CPA6: variants seen among roughly 807,000 people sequenced by gnomAD.
The protein encoded by CPA6 is carboxypeptidase B.
Under a neutral mutation model 63.3 loss-of-function variants are expected in CPA6, and 58 were observed. The ratio of observed to expected loss-of-function variants is 0.92; its 90% confidence interval spans 0.74 to 1.14. CPA6 has a LOEUF of 1.14. Ranked by LOEUF, CPA6 falls within the 50% of genes most tolerant of loss-of-function variation. CPA6 has a pLI of 0.00. For synonymous variants in CPA6, 185 were observed against 179.0 expected (o/e 1.03, Z -0.27); for missense variants, 565 against 526.6 (o/e 1.07, Z -0.71).
intron 4 of CPA6, 117 bp downstream of exon 4, chr8:67,511,424 C>T (rs1392738418): frequency 1.5e-6 from 1 of 660,798 alleles, no homozygotes; most frequent in African/African-American, 1.8e-5. Context: ...TCACATAGTA[C>T]CTTCTCTGTC....
chr8:67,719,897 C>T (rs58409762), intron 1 of CPA6, among the ~76,000 whole-genome samples: 20,878 of 151,998 alleles, frequency 0.14, 1,607 homozygotes, highest in African/African-American at 0.18. Flanking sequence ...GAGAAGTTGG[C>T]GTCCATGCAT....
intron 2 of CPA6, among the ~76,000 whole-genome samples, chr8:67,600,124 ATACTTT>A (rs1023316125): frequency 3.2e-4 from 49 of 151,366 alleles, no homozygotes; most frequent in African/African-American, 1.1e-3. Context: ...TATTATTATT[ATACTTT>A]AAGTTTTAGC....
intron 1 of CPA6, among the ~76,000 whole-genome samples, chr8:67,653,692 G>A (rs1462711069): frequency 6.6e-6 from 1 of 152,064 alleles, no homozygotes; most frequent in East Asian, 1.9e-4. Context: ...CTGCAAACAT[G>A]GACAATTTGA....
At position 67,681,200 on chromosome 8, in the gene CPA6, CTTTT is replaced by C. The variant is rs1007305743; in HGVS notation, c.117-56953_117-56950del. Among the ~76,000 whole-genome samples the C allele has an allele frequency of 3.9e-4, 35 of 89,880 alleles. 1 individual carries two copies. The highest frequency in any genetic ancestry group is 1.8e-3 in the African/African-American group (29 of 16,234). 59.0% of individuals were successfully genotyped at this position (89,880 alleles called of 152,430 possible). ...CTCAACCCAAGGTCACAAAGATTTT[CTTTT>C]TTTTTTTTTTTTTTTTGAGACGGAG... On this transcript the variant is annotated intron_variant, in intron 1 of 10. Transcript: ENST00000297770.
intron 2 of CPA6, among the ~76,000 whole-genome samples, chr8:67,590,674 G>A (rs1336095411): frequency 6.6e-6 from 1 of 152,106 alleles, no homozygotes; most frequent in Non-Finnish European, 1.5e-5. Flanking sequence ...TCTTTTGGCT[G>A]CATAAATGTC....
rs183787681 is a variant in CPA6 at position 67,701,349 on chromosome 8, G to A, written c.116+44665C>T. On this transcript the variant is annotated intron_variant, in intron 1 of 10. Transcript: ENST00000297770. ...TATCACTCATCTCTCAGGGTGTCACGAAGAGTATATATGAAAAAGTGACTG... is the reference window on the plus strand; with the variant it reads ...TATCACTCATCTCTCAGGGTGTCACAAAGAGTATATATGAAAAAGTGACTG... 1.6e-4 allele frequency among the ~76,000 whole-genome samples: 25 copies of A among 152,180 alleles called. No homozygotes were observed. In the East Asian group the frequency reaches 4.4e-3, roughly 27 times the overall value.
chr8:67,547,192 G>A (rs188294260), intron 2 of CPA6, among the ~76,000 whole-genome samples: 658 of 152,000 alleles, frequency 4.3e-3, no homozygotes, highest in Middle Eastern at 6.8e-3. Context: ...GACTACAGGC[G>A]CCCGCCACCA....
chr8:67,733,196 C>CAAAAAAAAAAA (rs1211323183), intron 1 of CPA6, among the ~76,000 whole-genome samples: 18 of 14,888 alleles, frequency 1.2e-3, no homozygotes, highest in African/African-American at 3.4e-3. Flanking sequence ...GACTCCATCT[C>CAAAAAAAAAAA]AAAAAAAAAA....
intron 9 of CPA6, 138 bp downstream of exon 9, chr8:67,433,896 GAATA>G (rs775457250): frequency 3.2e-6 from 2 of 628,872 alleles, no homozygotes; most frequent in East Asian, 2.8e-5. Flanking sequence ...TGTTAATGAA[GAATA>G]AATGAATTAA....
rs146229827 is a variant in CPA6, at chr8:67,582,372, C to T, written c.192+41804G>A. 2.2e-3 allele frequency among the ~76,000 whole-genome samples: 338 copies of T among 152,180 alleles called. 2 individuals are homozygous for T. The highest frequency in any genetic ancestry group is 7.3e-3 in the African/African-American group (302 of 41,522). On this transcript the variant is annotated intron_variant, in intron 2 of 10. Coordinates refer to ENST00000297770, the MANE Select transcript of CPA6 (RefSeq NM_020361.5). ...ATAGTTGTGAGTAGGAGGATAATGC[C>T]GATGTTTCAGGTTTCTAGAAATGCA...
At chr8:67,584,702 A>G (rs1254285258) in intron 2 of CPA6, among the ~76,000 whole-genome samples, 4 of 152,128 alleles carry the variant, frequency 2.6e-5, no homozygotes, top group African/African-American at 9.7e-5. Flanking sequence ...TGGATCTTCT[A>G]TGGTGATGCA....
At chr8:67,430,131 A>ATGTGTGTGTGTGTGTGTG (rs58059553) in intron 9 of CPA6, among the ~76,000 whole-genome samples, 1 of 128,656 alleles carries the variant, frequency 7.8e-6, no homozygotes, top group Non-Finnish European at 1.6e-5. Flanking sequence ...GTATATATAT[A>ATGTGTGTGTGTGTGTGTG]TGTGTGTGTG....
intron 10 of CPA6, among the ~76,000 whole-genome samples, chr8:67,424,992 A>G (rs1809852760): frequency 6.6e-6 from 1 of 152,224 alleles, no homozygotes; most frequent in South Asian, 2.1e-4. Flanking sequence ...CATAGTGGGT[A>G]ACTTCTCTGT....
At chr8:67,680,601 A>G (rs1382616374) in intron 1 of CPA6, among the ~76,000 whole-genome samples, 3 of 152,220 alleles carry the variant, frequency 2.0e-5, no homozygotes, top group African/African-American at 7.2e-5. Flanking sequence ...ATTTGGGTAT[A>G]GATTCTTTTT....
At chr8:67,614,507 C>A (rs1814892414) in intron 2 of CPA6, among the ~76,000 whole-genome samples, 1 of 152,086 alleles carries the variant, frequency 6.6e-6, no homozygotes, top group Non-Finnish European at 1.5e-5. Context: ...CCCTTGAGAC[C>A]CGCTGCTGAA....
chr8:67,488,157 G>A (rs1432098953), intron 6 of CPA6, among the ~76,000 whole-genome samples: 3 of 152,148 alleles, frequency 2.0e-5, no homozygotes, highest in Non-Finnish European at 4.4e-5. Context: ...TATTGCCTAG[G>A]TTTTCTTCTA....
intron 8 of CPA6, among the ~76,000 whole-genome samples, chr8:67,479,414 G>A (rs1485651381): frequency 6.6e-6 from 1 of 152,042 alleles, no homozygotes; most frequent in Non-Finnish European, 1.5e-5. Context: ...TTGTATTATT[G>A]GGTAATCATC....
chr8:67,726,191 T>C (rs2911954), intron 1 of CPA6, among the ~76,000 whole-genome samples: 127,945 of 152,110 alleles, frequency 0.84, 53,968 homozygotes, highest in Admixed American at 0.87. Context: ...TTGAGGTTAC[T>C]GGTTAGGGAG....
chr8:67,619,213 A>C (rs1297588849), intron 2 of CPA6, among the ~76,000 whole-genome samples: 1 of 152,222 alleles, frequency 6.6e-6, no homozygotes, highest in African/African-American at 2.4e-5. Flanking sequence ...CAACTAGTGA[A>C]ATCAGGAAAA....
Sources: allele counts gnomAD v4.1 joint callset (sites outside exome capture counted in the v4.1 genomes callset), GRCh38; gene constraint gnomAD v4.1.1; transcripts MANE v1.5; gene names NCBI Gene and HGNC (gene_info 2026-07-23, HGNC 2026-07-21).